KIF26B: variants seen among roughly 807,000 people sequenced by gnomAD.
The protein encoded by KIF26B is kinesin family member 26B.
In KIF26B, 63 loss-of-function variants were observed where a neutral mutation model predicts 151.2. The observed-to-expected ratio is 0.42, with a 90% CI of 0.34 to 0.51. The LOEUF (loss-of-function observed/expected upper bound fraction) is 0.51, where lower values mean the gene tolerates loss of function less well. Among genes scored for constraint, KIF26B ranks in the 20% least tolerant of loss-of-function variants. The pLI, the probability that KIF26B is intolerant of heterozygous loss-of-function variation, is 0.07. For missense variants in KIF26B, 2,813 were observed against 2,913.6 expected (o/e 0.97, Z 0.79); for synonymous variants, 1,357 against 1,262.1 (o/e 1.08, Z -1.59).
rs559029819 is a variant in KIF26B at position 245,686,718 on chromosome 1, G to A, written c.3735G>A (p.Thr1245=). Reference sequence around the variant, plus strand: ...AGGACCTGGAGTGCTACTCCAGCACGGCCCCCGTCTCCGAGGTCAGCATCA... The same window carrying A: ...AGGACCTGGAGTGCTACTCCAGCACAGCCCCCGTCTCCGAGGTCAGCATCA... ...ISEDLECYSS[T]APVSEVSITQ... The change falls in exon 12 of 15, where the codon ACG becomes ACA. Residue 1245 remains threonine, a synonymous_variant. Coordinates refer to ENST00000407071, the MANE Select transcript of KIF26B (RefSeq NM_018012.4). This position sits in a 1 kb window ranked among gnomAD's most constrained non-coding sequence, Gnocchi z 5.6. 1.9e-5 allele frequency: 30 copies of A among 1,613,386 alleles called. No homozygotes were observed. Among genetic ancestry groups the A allele is most frequent in the South Asian group, 1.2e-4 (11 of 91,002 alleles).
At chr1:245,197,901 T>C (rs780746881) in intron 2 of KIF26B, among the ~76,000 whole-genome samples, 7 of 152,206 alleles carry the variant, frequency 4.6e-5, no homozygotes, top group Non-Finnish European at 8.8e-5. Context: ...CCATGCGTAC[T>C]GGAGTTTCAC....
intron 10 of KIF26B, among the ~76,000 whole-genome samples, chr1:245,668,701 C>CTTTTTT (rs10691487): frequency 7.9e-5 from 12 of 151,232 alleles, no homozygotes; most frequent in African/African-American, 2.4e-4. Flanking sequence ...CTTTTCTTTT[C>CTTTTTT]TTTTTTTGAG....
chr1:245,386,173 G>A (rs1306137660), intron 3 of KIF26B, among the ~76,000 whole-genome samples: 1 of 152,020 alleles, frequency 6.6e-6, no homozygotes, highest in African/African-American at 2.4e-5. Flanking sequence ...CCTGGGAGGC[G>A]AAGGTTGCAG....
At chr1:245,389,396 AG>A in intron 3 of KIF26B, among the ~76,000 whole-genome samples, 1 of 151,194 alleles carries the variant, frequency 6.6e-6, no homozygotes, top group East Asian at 2.0e-4. Context: ...TACAGGCGTG[AG>A]CCACCACTCC....
At chr1:245,223,726 CA>C (rs949599816) in intron 2 of KIF26B, among the ~76,000 whole-genome samples, 31 of 152,222 alleles carry the variant, frequency 2.0e-4, no homozygotes, top group African/African-American at 7.5e-4. Flanking sequence ...AACACTCCTT[CA>C]GGGGGTCCCA....
At chr1:245,339,128 C>A (rs1672289155) in intron 2 of KIF26B, among the ~76,000 whole-genome samples, 1 of 152,040 alleles carries the variant, frequency 6.6e-6, no homozygotes, top group South Asian at 2.1e-4. Context: ...CAGGCCTGTG[C>A]CACCACGCCT....
Position 245,366,817 on chromosome 1 carries a change from G to C in KIF26B, c.466-17G>C, listed in dbSNP as rs1672964634. ...GAGTTATAGAATCTCCTCTCCCTCT[G>C]CTTCTGTGTTCTGTAGGACCCTGCT... is the stretch of plus-strand genomic sequence containing the variant. On this transcript the variant is annotated splice_polypyrimidine_tract_variant and intron_variant, in intron 2 of 14. Coordinates refer to ENST00000407071, the MANE Select transcript of KIF26B (RefSeq NM_018012.4). 1 of 1,610,498 alleles carries C rather than the reference G, an allele frequency of 6.2e-7. No individual in the cohort carries two copies.
intron 5 of KIF26B, among the ~76,000 whole-genome samples, chr1:245,584,997 T>A (rs2043210339): frequency 6.6e-6 from 1 of 152,228 alleles, no homozygotes; most frequent in Admixed American, 6.5e-5. Context: ...TCACCTCCAC[T>A]GTGTTTTTAA....
At chr1:245,534,961 T>C (rs1194348473) in intron 4 of KIF26B, among the ~76,000 whole-genome samples, 1 of 152,140 alleles carries the variant, frequency 6.6e-6, no homozygotes, top group African/African-American at 2.4e-5. Flanking sequence ...TTTTGGATTT[T>C]AGCTGAGATG....
intron 2 of KIF26B, among the ~76,000 whole-genome samples, chr1:245,307,397 G>A (rs1167818989): frequency 6.8e-6 from 1 of 146,022 alleles, no homozygotes; most frequent in Non-Finnish European, 1.5e-5. Context: ...GCTAATGAAT[G>A]GGCCCCAGAG....
At chr1:245,476,561 G>C (rs1317637135) in intron 4 of KIF26B, among the ~76,000 whole-genome samples, 1 of 149,148 alleles carries the variant, frequency 6.7e-6, no homozygotes. Flanking sequence ...CTTGAGACAG[G>C]GTCTTGCTCT....
intron 4 of KIF26B, among the ~76,000 whole-genome samples, chr1:245,444,666 C>A (rs1659207200): frequency 6.6e-6 from 1 of 152,158 alleles, no homozygotes; most frequent in South Asian, 2.1e-4. Context: ...TGGGTTAGTT[C>A]ACGTTGTTTG....
In KIF26B at chr1:245,391,911, G is replaced by T. The variant is rs1673710256; in HGVS notation, c.999+24544G>T. Reference sequence around the variant, plus strand: ...GCCAGAGCAACCAGTCCAGACTGGAGCAGATCAGGAGACCCTGGGAAAGAA... The same window carrying T: ...GCCAGAGCAACCAGTCCAGACTGGATCAGATCAGGAGACCCTGGGAAAGAA... On this transcript the variant is annotated intron_variant, in intron 3 of 14. Coordinates refer to ENST00000407071, the MANE Select transcript of KIF26B (RefSeq NM_018012.4). Among the ~76,000 whole-genome samples the T allele has an allele frequency of 3.9e-5, 6 of 152,072 alleles. No individual in the cohort carries two copies. In the South Asian group the frequency reaches 1.2e-3, roughly 32 times the overall value.
Position 245,686,725 on chromosome 1 carries a change from G to A in KIF26B, c.3742G>A (p.Val1248Ile), listed in dbSNP as rs371194278. 44 of 1,613,438 alleles carry A rather than the reference G, an allele frequency of 2.7e-5. No individual in the cohort carries two copies. The highest frequency in any genetic ancestry group is 1.6e-4 in the Middle Eastern group (1 of 6,062). ...GGAGTGCTACTCCAGCACGGCCCCC[G>A]TCTCCGAGGTCAGCATCACACAGTT... ...DLECYSSTAPVSEVSITQFLP... is the reference protein window; with the variant it reads ...DLECYSSTAPISEVSITQFLP... The change falls in exon 12 of 15, where the codon GTC (valine) becomes ATC (isoleucine). Residue 1248 changes from valine to isoleucine, a missense_variant. Around this residue, in one of 3 missense-constraint regions of KIF26B, gnomAD observed 2,060 missense variants for 2,088.6 expected, o/e 0.99. Coordinates refer to ENST00000407071, the MANE Select transcript of KIF26B (RefSeq NM_018012.4). This position sits in a 1 kb window ranked among gnomAD's most constrained non-coding sequence, Gnocchi z 5.6.
chr1:245,445,618 C>T (rs1367846446), intron 4 of KIF26B, among the ~76,000 whole-genome samples: 1 of 152,174 alleles, frequency 6.6e-6, no homozygotes, highest in African/African-American at 2.4e-5. Context: ...TTAAATTTTT[C>T]CATAATAATA....
chr1:245,514,306 C>A (rs1262918408), intron 4 of KIF26B, among the ~76,000 whole-genome samples: 1 of 152,100 alleles, frequency 6.6e-6, no homozygotes, highest in Non-Finnish European at 1.5e-5. Flanking sequence ...GCGGGCGGAT[C>A]ACTTGAGGTC....
At chr1:245,682,145 T>A (rs542617159) in intron 10 of KIF26B, among the ~76,000 whole-genome samples, 1 of 152,202 alleles carries the variant, frequency 6.6e-6, no homozygotes, top group East Asian at 1.9e-4. Context: ...CTCCGGAGGC[T>A]GAGGCGGGAG....
rs546773381 is a variant in KIF26B, at chr1:245,453,347, A to T, written c.1166+33602A>T. 2.0e-5 allele frequency among the ~76,000 whole-genome samples: 3 copies of T among 152,318 alleles called. No individual in the cohort carries two copies. The East Asian group carries it at 5.8e-4, about 29-fold the overall frequency. On this transcript the variant is annotated intron_variant, in intron 4 of 14. Coordinates refer to ENST00000407071, the MANE Select transcript of KIF26B (RefSeq NM_018012.4). Reference sequence around the variant, plus strand: ...ATACTGCATCCTGTCTTTATATAAAATATAAAATTTTCACATTTTATTCAT... The same window carrying T: ...ATACTGCATCCTGTCTTTATATAAATTATAAAATTTTCACATTTTATTCAT...
chr1:245,449,263 A>G (rs1374090841), intron 4 of KIF26B, among the ~76,000 whole-genome samples: 1 of 152,224 alleles, frequency 6.6e-6, no homozygotes, highest in Admixed American at 6.5e-5. Flanking sequence ...GCGTAGGCTG[A>G]GAACAGTGGG....
Sources: allele counts gnomAD v4.1 joint callset (sites outside exome capture counted in the v4.1 genomes callset), GRCh38; gene constraint gnomAD v4.1.1; regional missense constraint gnomAD v4.1.1; non-coding constraint Gnocchi (gnomAD v3.1); transcripts MANE v1.5; gene names NCBI Gene and HGNC (gene_info 2026-07-23, HGNC 2026-07-21).